Variants in PRKG1 observed in about 807,000 individuals in gnomAD.
The protein encoded by PRKG1 is protein kinase cGMP-dependent 1, also known as cGMP-dependent protein kinase 1.
PRKG1 carries 35 observed loss-of-function variants against 88.1 expected under a neutral mutation model. The observed-to-expected ratio is 0.40, with a 90% CI of 0.30 to 0.53. The LOEUF is 0.53. Ranked by LOEUF, PRKG1 falls within the 20% of genes least tolerant of loss-of-function variation. The pLI is 0.59. For missense variants in PRKG1, 540 were observed against 839.8 expected (o/e 0.64, Z 4.41); for synonymous variants, 303 against 292.5 (o/e 1.04, Z -0.37).
At position 51,812,972 on chromosome 10, in the gene PRKG1, CCTT is replaced by C. The variant is rs1374352373; in HGVS notation, c.698+8283_698+8285del. Reference sequence around the variant, plus strand: ...TTCTCCATCTTCAAGGTTCTCCTCTCCTTTGCAAAACTTCTTGAAACACCACTG... The same window carrying C: ...TTCTCCATCTTCAAGGTTCTCCTCTCTGCAAAACTTCTTGAAACACCACTG... On this transcript the variant is annotated intron_variant, in intron 4 of 17. Coordinates refer to ENST00000373980, the MANE Select transcript of PRKG1 (RefSeq NM_006258.4). Among the ~76,000 whole-genome samples, 3 of 152,164 alleles carry C rather than the reference CCTT, an allele frequency of 2.0e-5. No homozygotes were observed. The East Asian group carries it at 5.8e-4, about 29-fold the overall frequency.
At chr10:51,999,673 CT>C (rs2133146392) in intron 5 of PRKG1, among the ~76,000 whole-genome samples, 1 of 152,026 alleles carries the variant, frequency 6.6e-6, no homozygotes, top group Non-Finnish European at 1.5e-5. Context: ...TTTGCATATA[CT>C]TTAAGAGTTT....
intron 7 of PRKG1, among the ~76,000 whole-genome samples, chr10:52,132,332 T>A (rs1056964231): frequency 3.6e-5 from 5 of 138,616 alleles, no homozygotes; most frequent in Non-Finnish European, 6.3e-5. Flanking sequence ...AAGAATATCA[T>A]CAAGGAATTT....
At chr10:52,115,050 G>A (rs1461202744) in intron 7 of PRKG1, among the ~76,000 whole-genome samples, 1 of 152,068 alleles carries the variant, frequency 6.6e-6, no homozygotes, top group Admixed American at 6.6e-5. Context: ...TGGGTGGTAG[G>A]AAAGGAAGAT....
At position 51,818,384 on chromosome 10, in the gene PRKG1, A is replaced by G. The variant is rs922974069; in HGVS notation, c.698+13694A>G. Among the ~76,000 whole-genome samples, 6 of 152,148 alleles carry G rather than the reference A, an allele frequency of 3.9e-5. No individual in the cohort carries two copies. In the East Asian group the frequency reaches 5.8e-4, roughly 15 times the overall value. On this transcript the variant is annotated intron_variant, in intron 4 of 17. Coordinates refer to ENST00000373980, the MANE Select transcript of PRKG1 (RefSeq NM_006258.4). ...AGTTTCTACTTAACTTCGAAGCCCC[A>G]TAATATAGACAAGAGATACTCTGTT...
intron 2 of PRKG1, among the ~76,000 whole-genome samples, chr10:51,280,809 A>T (rs560016250): frequency 1.2e-4 from 18 of 152,264 alleles, no homozygotes; most frequent in African/African-American, 4.3e-4. Flanking sequence ...GATGGGTTCG[A>T]ACTTCCTCCT....
At chr10:52,153,243 G>A (rs1995491) in intron 8 of PRKG1, among the ~76,000 whole-genome samples, 60,351 of 151,876 alleles carry the variant, frequency 0.4, 14,674 homozygotes, top group Non-Finnish European at 0.53. Context: ...AGAAATAAAT[G>A]CCACTCTTTT....
At chr10:51,101,672 A>G (rs1293895354) in intron 1 of PRKG1, among the ~76,000 whole-genome samples, 1 of 152,220 alleles carries the variant, frequency 6.6e-6, no homozygotes, top group African/African-American at 2.4e-5. Flanking sequence ...GCTCAATTCT[A>G]TAAGGATAAA....
At chr10:51,703,695 T>G (rs1232022959) in intron 3 of PRKG1, among the ~76,000 whole-genome samples, 1 of 152,218 alleles carries the variant, frequency 6.6e-6, no homozygotes, top group Non-Finnish European at 1.5e-5. Context: ...CTTGGTTCAG[T>G]GGCATCAGCA....
intron 1 of PRKG1, among the ~76,000 whole-genome samples, chr10:51,115,061 A>G (rs1845080189): frequency 6.6e-6 from 1 of 152,052 alleles, no homozygotes; most frequent in Non-Finnish European, 1.5e-5. Context: ...CATGTCTGTA[A>G]TCCCAGCATT....
At chr10:51,138,272 G>A (rs1179243454) in intron 1 of PRKG1, among the ~76,000 whole-genome samples, 1 of 152,112 alleles carries the variant, frequency 6.6e-6, no homozygotes, top group East Asian at 1.9e-4. Flanking sequence ...ACTGTATTCA[G>A]CACAGAAACC....
rs558015576 is a variant in PRKG1 at position 51,684,204 on chromosome 10, A to C, written c.593-120381A>C. ...TGACAATAATGCTACAACATGGATA[A>C]ATTTTTTTTAAAAATTATGTTAAGT... On this transcript the variant is annotated intron_variant, in intron 3 of 17. Transcript: ENST00000373980. Among the ~76,000 whole-genome samples, 7 of 152,326 alleles carry C rather than the reference A, an allele frequency of 4.6e-5. No individual in the cohort carries two copies. The South Asian group carries it at 1.2e-3, about 27-fold the overall frequency.
chr10:51,135,634 C>T (rs143411979), intron 1 of PRKG1, among the ~76,000 whole-genome samples: 254 of 152,172 alleles, frequency 1.7e-3, no homozygotes, highest in African/African-American at 5.7e-3. Context: ...GGTGCATCAG[C>T]ATAGTATGGT....
chr10:51,057,184 C>T (rs1166053817), intron 1 of PRKG1, among the ~76,000 whole-genome samples: 2 of 152,050 alleles, frequency 1.3e-5, no homozygotes, highest in South Asian at 2.1e-4. Flanking sequence ...TATGATGGCC[C>T]AAGTCAGTTT....
At chr10:51,736,050 G>A (rs1031000719) in intron 3 of PRKG1, among the ~76,000 whole-genome samples, 1 of 147,078 alleles carries the variant, frequency 6.8e-6, no homozygotes, top group African/African-American at 2.5e-5. Flanking sequence ...GTGCCACTAT[G>A]CCCAGCTAAT....
chr10:51,053,602 A>G (rs530035522), intron 1 of PRKG1, among the ~76,000 whole-genome samples: 1 of 152,262 alleles, frequency 6.6e-6, no homozygotes, highest in East Asian at 1.9e-4. Context: ...CTTTAGTAAC[A>G]TGGGAACTAG....
chr10:51,014,261 C>T (rs766666202), intron 1 of PRKG1, among the ~76,000 whole-genome samples: 14 of 151,518 alleles, frequency 9.2e-5, no homozygotes, highest in African/African-American at 1.2e-4. Context: ...CACTGATTCC[C>T]GTTGACAAAA....
intron 1 of PRKG1, among the ~76,000 whole-genome samples, chr10:51,026,042 T>C (rs750745593): frequency 5.3e-5 from 8 of 151,966 alleles, no homozygotes; most frequent in African/African-American, 1.5e-4. Context: ...AAATATGCCA[T>C]GTGAATATAA....
At chr10:51,548,082 T>C (rs1388798837) in intron 3 of PRKG1, among the ~76,000 whole-genome samples, 1 of 152,082 alleles carries the variant, frequency 6.6e-6, no homozygotes, top group Non-Finnish European at 1.5e-5. Context: ...GAAAGAACAA[T>C]TTGGAAGAAC....
At chr10:51,026,586 C>T (rs1349647132) in intron 1 of PRKG1, among the ~76,000 whole-genome samples, 1 of 152,192 alleles carries the variant, frequency 6.6e-6, no homozygotes, top group Non-Finnish European at 1.5e-5. Context: ...ACTCTTGACT[C>T]ATGCTGCCTT....
Sources: gnomAD v4.1 joint callset for allele counts (sites outside exome capture counted in the v4.1 genomes callset) on GRCh38, gnomAD v4.1.1 for gene constraint, MANE v1.5 for transcripts, NCBI Gene and HGNC (gene_info 2026-07-23, HGNC 2026-07-21) for gene names.